MLPH: variants seen among roughly 807,000 people sequenced by gnomAD.
The protein encoded by MLPH is exophilin-3.
In MLPH, 51 loss-of-function variants were observed where a neutral mutation model predicts 72.1. The observed-to-expected ratio is 0.71, with a 90% confidence interval of 0.56 to 0.89. MLPH has a LOEUF of 0.89. Among genes scored for constraint, MLPH ranks in the 40% least tolerant of loss-of-function variants. The pLI is 0.00. For missense variants in MLPH, 743 were observed against 759.9 expected (o/e 0.98, Z 0.26); for synonymous variants, 301 against 310.1 (o/e 0.97, Z 0.31).
intron 12 of MLPH, 76 bp downstream of exon 12, chr2:237,542,735 G>T (rs1387150257): frequency 1.1e-6 from 1 of 935,632 alleles, no homozygotes; most frequent in Non-Finnish European, 1.6e-6. Context: ...GTGGTGAGTG[G>T]GGGACAGTGG....
intron 12 of MLPH, among the ~76,000 whole-genome samples, chr2:237,545,976 T>C (rs1449816381): frequency 6.6e-6 from 1 of 152,138 alleles, no homozygotes; most frequent in East Asian, 1.9e-4. Context: ...CCTCAGAAAG[T>C]CCTAAAACTT....
At position 237,510,768 on chromosome 2, in the gene MLPH, G is replaced by A; in HGVS notation, c.305G>A (p.Trp102Ter). The A allele has an allele frequency of 6.2e-7, 1 of 1,613,572 alleles. No individual in the cohort carries two copies. Among genetic ancestry groups the A allele is most frequent in the Non-Finnish European group, 8.5e-7 (1 of 1,180,036 alleles). Residue 102 changes from tryptophan to a stop codon, truncating the protein, a stop_gained, in exon 3 of 16, where the codon TGG becomes TAG. Coordinates refer to ENST00000264605, the MANE Select transcript of MLPH (RefSeq NM_024101.7). LOFTEE classifies it high-confidence loss of function. This position sits in a 1 kb window ranked among gnomAD's most constrained non-coding sequence, Gnocchi z 4.4. Reference protein sequence around the residue: ...CGRVHPEEQGWICDPCHLARV... With the variant: ...CGRVHPEEQG ...CGCGTCCACCCGGAGGAGCAGGGCT[G>A]GATCTGTGACCCCTGCCATCTGGCC...
intron 6 of MLPH, among the ~76,000 whole-genome samples, chr2:237,523,797 C>A (rs146561701): frequency 6.6e-6 from 1 of 152,040 alleles, no homozygotes; most frequent in Non-Finnish European, 1.5e-5. Context: ...AGAACGAGGC[C>A]ATAGTCACAA....
At position 237,540,421 on chromosome 2, in the gene MLPH, C is replaced by G. The variant is rs575753089; in HGVS notation, c.1178C>G (p.Thr393Ser). Residue 393 changes from threonine to serine, a missense_variant, in exon 10 of 16, where the codon ACC becomes AGC. Transcript: ENST00000264605. ...EALRRKLEEL[T>S]SNVSDQETSS... ...CTGAGGAGGAAGCTGGAGGAGCTGA[C>G]CAGCAACGTCAGTGACCAGGAGACC... 1 of 1,613,422 alleles carries G rather than the reference C, an allele frequency of 6.2e-7. No individual in the cohort carries two copies. The highest frequency in any genetic ancestry group is 1.3e-5 in the African/African-American group (1 of 74,908).
At chr2:237,536,247 GGAGA>G (rs79169462) in intron 9 of MLPH, among the ~76,000 whole-genome samples, 2,635 of 152,248 alleles carry the variant, frequency 0.017, 44 homozygotes, top group South Asian at 0.067. Flanking sequence ...CGGCCGGAGC[GGAGA>G]GAGACTGAGG....
intron 12 of MLPH, chr2:237,545,681 G>A (rs552213161): frequency 8.1e-7 from 1 of 1,228,362 alleles, no homozygotes; most frequent in South Asian, 1.4e-5. Flanking sequence ...ATCCCATTCA[G>A]GAATCTTCAG....
intron 8 of MLPH, among the ~76,000 whole-genome samples, chr2:237,528,528 T>G (rs2080352998): frequency 6.6e-6 from 1 of 152,038 alleles, no homozygotes; most frequent in African/African-American, 2.4e-5. Flanking sequence ...TTTTTGTATT[T>G]TTAGTAGAGA....
intron 4 of MLPH, among the ~76,000 whole-genome samples, chr2:237,514,374 C>A (rs912851776): frequency 5.3e-5 from 8 of 152,172 alleles, no homozygotes; most frequent in Non-Finnish European, 1.2e-4. Flanking sequence ...GCTGGGATTA[C>A]AAGCATAAAC....
At position 237,551,262 on chromosome 2, in the gene MLPH, G is replaced by A. The variant is rs181550615; in HGVS notation, c.1676-1075G>A. Among the ~76,000 whole-genome samples, 137 of 152,356 alleles carry A rather than the reference G, an allele frequency of 9.0e-4. 1 individual carries two copies. In the Middle Eastern group the frequency reaches 0.017, roughly 19 times the overall value. ...AGTCCTGGAGCGGGGACGGAGGGCC[G>A]GCAGGCCAGGCCACATGACCCTGCA... On this transcript the variant is annotated intron_variant, in intron 14 of 15. Coordinates refer to ENST00000264605, the MANE Select transcript of MLPH (RefSeq NM_024101.7).
At position 237,505,150 on chromosome 2, in the gene MLPH, T is replaced by C. The variant is rs1297060112; in HGVS notation, c.111-5424T>C. Among the ~76,000 whole-genome samples the C allele has an allele frequency of 6.6e-6, 1 of 152,118 alleles. No homozygotes were observed. The highest frequency in any genetic ancestry group is 1.5e-5 in the Non-Finnish European group (1 of 68,014). On this transcript the variant is annotated intron_variant, in intron 2 of 15. Transcript: ENST00000264605. This position sits in a 1 kb window ranked among gnomAD's most constrained non-coding sequence, Gnocchi z 4.5. ...GTGGCCAGGTTGATGGGGTCTGGAC[T>C]CCACACACTGTCCCCACCTCCTTGC...
chr2:237,491,317 C>T (rs2079424511), intron 1 of MLPH, among the ~76,000 whole-genome samples: 1 of 152,200 alleles, frequency 6.6e-6, no homozygotes, highest in African/African-American at 2.4e-5. Context: ...TCAAGGAAAA[C>T]TTATTGAAAT....
rs181155167 is a variant in MLPH at position 237,493,568 on chromosome 2, G to A, written c.110+32G>A. 2.4e-5 allele frequency: 38 copies of A among 1,557,950 alleles called. No individual in the cohort carries two copies. In the East Asian group the frequency reaches 4.7e-4, roughly 19 times the overall value. On this transcript the variant is annotated intron_variant, in intron 2 of 15. Transcript: ENST00000264605. ...GTGCCGTGCTGAGCCCACGGAGCCC[G>A]GGGTCCCTGATCTTCCCCCAGGGCC...
chr2:237,525,907 T>C, intron 7 of MLPH, 102 bp downstream of exon 7: 1 of 1,144,258 alleles, frequency 8.7e-7, no homozygotes, highest in African/African-American at 1.5e-5. Flanking sequence ...CACGGGCTGA[T>C]TTGAAAGGCC....
chr2:237,550,155 C>T (rs746906791), intron 14 of MLPH, among the ~76,000 whole-genome samples: 1 of 152,198 alleles, frequency 6.6e-6, no homozygotes, highest in Admixed American at 6.5e-5. Context: ...CCTGGGTGTG[C>T]CCCCTCCCTG....
intron 7 of MLPH, among the ~76,000 whole-genome samples, chr2:237,526,132 T>C (rs1047695155): frequency 2.6e-5 from 4 of 152,200 alleles, no homozygotes; most frequent in African/African-American, 9.7e-5. Context: ...ACCATCCTGG[T>C]CTGGGCAGGA....
At chr2:237,536,149 C>T (rs963566363) in intron 9 of MLPH, among the ~76,000 whole-genome samples, 3 of 152,134 alleles carry the variant, frequency 2.0e-5, no homozygotes, top group African/African-American at 7.2e-5. Context: ...GGGTGAAGCT[C>T]GGGTTGGGGG....
At chr2:237,532,876 A>T (rs1559364238) in intron 8 of MLPH, among the ~76,000 whole-genome samples, 1 of 152,258 alleles carries the variant, frequency 6.6e-6, no homozygotes, top group Non-Finnish European at 1.5e-5. Context: ...TTCTTGAACA[A>T]GCATCAAACC....
intron 6 of MLPH, among the ~76,000 whole-genome samples, chr2:237,521,950 G>C (rs1459845268): frequency 2.3e-5 from 2 of 86,192 alleles, no homozygotes; most frequent in African/African-American, 9.4e-5. Context: ...TGAGACTGGG[G>C]TTGGGCCTTC....
At chr2:237,532,634 G>A (rs1274017986) in intron 8 of MLPH, among the ~76,000 whole-genome samples, 1 of 152,192 alleles carries the variant, frequency 6.6e-6, no homozygotes, top group African/African-American at 2.4e-5. Context: ...GTATTGTCGC[G>A]AGTTGAAAGC....
Sources: gnomAD v4.1 joint callset for allele counts (sites outside exome capture counted in the v4.1 genomes callset) on GRCh38, gnomAD v4.1.1 for gene constraint, Gnocchi (gnomAD v3.1) non-coding constraint, MANE v1.5 for transcripts, NCBI Gene and HGNC (gene_info 2026-07-23, HGNC 2026-07-21) for gene names.